HK2: variants seen among roughly 807,000 people sequenced by gnomAD.
The protein encoded by HK2 is hexokinase-2.
Under a neutral mutation model 92.9 loss-of-function variants are expected in HK2, and 42 were observed. That is an observed-to-expected ratio of 0.45 (90% CI 0.35 to 0.58). The LOEUF (loss-of-function observed/expected upper bound fraction) is 0.58. Among genes scored for constraint, HK2 ranks in the 20% least tolerant of loss-of-function variants. HK2 has a pLI of 0.00. For synonymous variants in HK2, 422 were observed against 468.0 expected (o/e 0.90, Z 1.27); for missense variants, 978 against 1,245.1 (o/e 0.79, Z 3.23).
At chr2:74,859,764 G>A (rs1049576608) in intron 2 of HK2, among the ~76,000 whole-genome samples, 2 of 152,204 alleles carry the variant, frequency 1.3e-5, no homozygotes, top group Non-Finnish European at 2.9e-5. Context: ...AAACAGTATG[G>A]AGATTTCTCA....
intron 2 of HK2, among the ~76,000 whole-genome samples, chr2:74,863,285 A>G (rs1406071209): frequency 6.6e-6 from 1 of 152,184 alleles, no homozygotes; most frequent in African/African-American, 2.4e-5. Context: ...ACGTTGTGGC[A>G]TTTGGCCCAC....
chr2:74,870,263 G>A (rs577797270), intron 3 of HK2, among the ~76,000 whole-genome samples: 10 of 152,118 alleles, frequency 6.6e-5, no homozygotes, highest in African/African-American at 1.2e-4. Context: ...GCCCGTCTTC[G>A]CCTCCCGAAG....
intron 3 of HK2, 142 bp downstream of exon 3, chr2:74,867,926 C>G: frequency 5.4e-6 from 5 of 927,818 alleles, no homozygotes; most frequent in South Asian, 5.2e-5. Context: ...TGTAAGGGCT[C>G]CCTCTCAGCC....
chr2:74,856,148 G>A (rs1688691029), intron 2 of HK2, among the ~76,000 whole-genome samples: 1 of 151,878 alleles, frequency 6.6e-6, no homozygotes, highest in Non-Finnish European at 1.5e-5. Context: ...CAGGGGCGTT[G>A]TTGGGAGGGG....
At position 74,891,078 on chromosome 2, in the gene HK2, T is replaced by C. The variant is rs981836317; in HGVS notation, c.*137T>C. On this transcript the variant is annotated 3_prime_UTR_variant, in exon 18 of 18. Transcript: ENST00000290573. The stretch of plus-strand genomic sequence containing the variant: ...GAGGACCCCACTGGACTGGGTTTTG[T>C]CTCTGCATCTCATTGTAGAGCTTGG... 3.2e-6 allele frequency: 3 copies of C among 943,662 alleles called. No homozygotes were observed. The highest frequency in any genetic ancestry group is 3.3e-5 in the African/African-American group (2 of 61,286). The allele number at this position is 943,662 out of a possible 1,614,324, so 58.5% of individuals were successfully genotyped here. A position where few individuals can be genotyped will look rare whatever the true frequency, so the allele number is the denominator to read the frequency against.
At chr2:74,885,441 TG>T (rs1689498910) in intron 12 of HK2, 52 bp from the exon 13 acceptor site, 1 of 1,302,838 alleles carries the variant, frequency 7.7e-7, no homozygotes, top group Non-Finnish European at 1.1e-6. Context: ...CCCCCAGAAC[TG>T]ACCTGGGAGC....
At chr2:74,858,230 C>G (rs551225719) in intron 2 of HK2, among the ~76,000 whole-genome samples, 1 of 152,302 alleles carries the variant, frequency 6.6e-6, no homozygotes, top group South Asian at 2.1e-4. Flanking sequence ...AAGAAAGTTG[C>G]TAGTCAGAAC....
rs763514031 is a variant in HK2, at chr2:74,867,702, C to T, written c.293C>T (p.Thr98Met). The T allele has an allele frequency of 1.6e-5, 26 of 1,613,946 alleles. No individual in the cohort carries two copies. The highest frequency in any genetic ancestry group is 4.5e-5 in the East Asian group (2 of 44,894). Residue 98 changes from threonine (T) to methionine (M), a missense_variant, in exon 3 of 18, where the codon ACG (threonine) becomes ATG (methionine). Thr to Met is a moderately conservative substitution (Grantham distance 81, BLOSUM62 -1). Transcript: ENST00000290573. ...TTCCGTGTGCTTTGGGTGAAAGTAACGGACAATGGGCTCCAGAAGGTGGAG... is the reference window on the plus strand; with the variant it reads ...TTCCGTGTGCTTTGGGTGAAAGTAATGGACAATGGGCTCCAGAAGGTGGAG... The part of the protein sequence containing the change: ...TNFRVLWVKV[T>M]DNGLQKVEME...
rs376323670 is a variant in HK2 at position 74,844,004 on chromosome 2, G to A, written c.63+9361G>A. On this transcript the variant is annotated intron_variant, in intron 1 of 17. Coordinates refer to ENST00000290573, the MANE Select transcript of HK2 (RefSeq NM_000189.5). ...AAATGAAGAGACCAGGCACAAAATA[G>A]GATAGTACCTTGCCCCAGGGCAAGC... Among the ~76,000 whole-genome samples, 10 of 152,344 alleles carry A rather than the reference G, an allele frequency of 6.6e-5. 1 individual carries two copies. The highest frequency in any genetic ancestry group is 2.4e-4 in the African/African-American group (10 of 41,580).
intron 1 of HK2, among the ~76,000 whole-genome samples, chr2:74,848,322 G>A (rs893671136): frequency 2.0e-5 from 3 of 152,016 alleles, no homozygotes; most frequent in Non-Finnish European, 2.9e-5. Context: ...TAGAGAGCAG[G>A]GCTGTTGATT....
At chr2:74,839,408 T>C (rs1282822740) in intron 1 of HK2, among the ~76,000 whole-genome samples, 2 of 152,168 alleles carry the variant, frequency 1.3e-5, no homozygotes, top group African/African-American at 4.8e-5. Flanking sequence ...TTTGTCTATG[T>C]TAATTTTGAT....
intron 12 of HK2, among the ~76,000 whole-genome samples, chr2:74,883,530 G>C (rs1689450942): frequency 6.6e-6 from 1 of 152,204 alleles, no homozygotes; most frequent in Non-Finnish European, 1.5e-5. Context: ...GACAAGGAAA[G>C]AGCAGCATTT....
intron 2 of HK2, among the ~76,000 whole-genome samples, chr2:74,866,565 T>C (rs1688954489): frequency 6.6e-6 from 1 of 152,192 alleles, no homozygotes; most frequent in Non-Finnish European, 1.5e-5. Flanking sequence ...GTCGGTGGTA[T>C]TATCACCCAG....
intron 17 of HK2, among the ~76,000 whole-genome samples, chr2:74,890,074 C>T (rs1456413649): frequency 1.3e-5 from 2 of 152,018 alleles, no homozygotes; most frequent in Non-Finnish European, 2.9e-5. Flanking sequence ...GATTTTTTTT[C>T]AACATTCTAG....
intron 1 of HK2, among the ~76,000 whole-genome samples, chr2:74,852,372 C>G (rs1232055427): frequency 2.0e-5 from 3 of 152,178 alleles, no homozygotes; most frequent in Non-Finnish European, 4.4e-5. Context: ...TACCCTTGAA[C>G]TAGGGTCACT....
intron 13 of HK2, among the ~76,000 whole-genome samples, chr2:74,886,040 A>T: frequency 6.6e-6 from 1 of 151,984 alleles, no homozygotes; most frequent in East Asian, 1.9e-4. Context: ...AAAAAAAAAA[A>T]AGAAAGAAAA....
chr2:74,846,950 A>G (rs1398119328), intron 1 of HK2, among the ~76,000 whole-genome samples: 2 of 152,192 alleles, frequency 1.3e-5, no homozygotes, highest in Non-Finnish European at 2.9e-5. Flanking sequence ...TATATAGATG[A>G]CCCGATTGTA....
chr2:74,841,449 G>A (rs963901376), intron 1 of HK2, among the ~76,000 whole-genome samples: 1 of 152,136 alleles, frequency 6.6e-6, no homozygotes, highest in Non-Finnish European at 1.5e-5. Flanking sequence ...AACTGCTTTA[G>A]AAGAACATGG....
Position 74,886,573 on chromosome 2 carries a change from A to C in HK2, c.2119A>C (p.Met707Leu), listed in dbSNP as rs1187509518. 1.2e-6 allele frequency: 2 copies of C among 1,613,964 alleles called. No homozygotes were observed. The highest frequency in any genetic ancestry group is 1.7e-6 in the Non-Finnish European group (2 of 1,180,028). ...AGAAGAGGGGCGGATGTGTGTGAAC[A>C]TGGAATGGGGGGCCTTCGGGGACAA... ...EGEEGRMCVN[M>L]EWGAFGDNGC... The change falls in exon 15 of 18, where the codon ATG becomes CTG. Residue 707 changes from methionine to leucine, a missense_variant. Met to Leu is a conservative substitution (Grantham distance 15). Coordinates refer to ENST00000290573, the MANE Select transcript of HK2 (RefSeq NM_000189.5).
Sources: gnomAD v4.1 joint callset for allele counts (sites outside exome capture counted in the v4.1 genomes callset) on GRCh38, gnomAD v4.1.1 for gene constraint, MANE v1.5 for transcripts, NCBI Gene and HGNC (gene_info 2026-07-23, HGNC 2026-07-21) for gene names.